TSPAN9: variants seen among roughly 807,000 people sequenced by gnomAD.
TSPAN9 encodes tetraspanin 9.
TSPAN9 carries 16 observed loss-of-function variants against 31.0 expected under a neutral mutation model. That is an observed-to-expected ratio of 0.52 (90% confidence interval 0.35 to 0.78). The LOEUF is 0.78. Ranked by LOEUF, TSPAN9 falls within the 30% of genes least tolerant of loss-of-function variation. The pLI is 0.01. For synonymous variants in TSPAN9, 145 were observed against 121.6 expected (o/e 1.19, Z -1.27); for missense variants, 272 against 312.5 (o/e 0.87, Z 0.98).
chr12:3,253,962 A>T (rs1315675099), intron 3 of TSPAN9, among the ~76,000 whole-genome samples: 1 of 152,232 alleles, frequency 6.6e-6, no homozygotes, highest in Non-Finnish European at 1.5e-5. Flanking sequence ...GAAAATGCTC[A>T]GGTGATTCTG....
intron 3 of TSPAN9, among the ~76,000 whole-genome samples, chr12:3,239,928 G>A (rs2098395714): frequency 6.6e-6 from 1 of 152,076 alleles, no homozygotes; most frequent in Non-Finnish European, 1.5e-5. Context: ...GACGAGGGAG[G>A]GCATTGCCAC....
At chr12:3,085,127 A>C (rs2098299794) in intron 2 of TSPAN9, among the ~76,000 whole-genome samples, 1 of 152,078 alleles carries the variant, frequency 6.6e-6, no homozygotes. Context: ...TCACGCCTGG[A>C]ATCCCTGTGC....
chr12:3,218,434 C>G (rs1205874210), intron 3 of TSPAN9, among the ~76,000 whole-genome samples: 1 of 152,196 alleles, frequency 6.6e-6, no homozygotes, highest in African/African-American at 2.4e-5. Flanking sequence ...AGGAGGAGAC[C>G]TTTGGGGCCT....
chr12:3,089,255 G>A (rs2098302621), intron 2 of TSPAN9, among the ~76,000 whole-genome samples: 1 of 149,524 alleles, frequency 6.7e-6, no homozygotes, highest in Non-Finnish European at 1.5e-5. Context: ...AAAAAGAAAA[G>A]GGACATTATA....
chr12:3,280,233 C>T lies in TSPAN9; in HGVS notation c.331-149C>T. On this transcript the variant is annotated intron_variant, in intron 5 of 8. Coordinates refer to ENST00000011898, the MANE Select transcript of TSPAN9 (RefSeq NM_006675.5). This position sits in a 1 kb window ranked among gnomAD's most constrained non-coding sequence, Gnocchi z 4.5. ...CTGTTGGGCCAGCAGAGGCCCCCAC[C>T]CCAGTGGGCAGGGCCTTCCAGACCA... The T allele has an allele frequency of 4.4e-6, 3 of 676,948 alleles. No homozygotes were observed. The South Asian group carries it at 5.3e-5, about 12-fold the overall frequency. The allele number at this position is 676,948 out of a possible 1,614,324, so 41.9% of individuals were successfully genotyped here.
intron 3 of TSPAN9, among the ~76,000 whole-genome samples, chr12:3,258,824 G>A (rs1257707488): frequency 2.6e-5 from 4 of 152,160 alleles, no homozygotes; most frequent in African/African-American, 9.7e-5. Context: ...TGCACAATGC[G>A]AATGTATTCA....
At chr12:3,268,134 TAGGTGCTGCAGCCTGCCC>T (rs1565639115) in intron 3 of TSPAN9, among the ~76,000 whole-genome samples, 3 of 146,152 alleles carry the variant, frequency 2.1e-5, no homozygotes, top group African/African-American at 7.4e-5. Context: ...GCCTATTCCG[TAGGTGCTGCAGCCTGCCC>T]TCCGTGCATT....
intron 2 of TSPAN9, among the ~76,000 whole-genome samples, chr12:3,150,208 G>A (rs761088916): frequency 1.3e-5 from 2 of 152,240 alleles, no homozygotes; most frequent in Non-Finnish European, 2.9e-5. Flanking sequence ...CCCTCGGTCT[G>A]TTTCCGCCCC....
In TSPAN9 at chr12:3,278,534, C is replaced by T. The variant is rs1044234564; in HGVS notation, c.177C>T (p.Ala59=). Residue 59 remains alanine, a synonymous_variant, in exon 4 of 9, where the codon GCC becomes GCT. Coordinates refer to ENST00000011898, the MANE Select transcript of TSPAN9 (RefSeq NM_006675.5). ...PSLSAANLVI[A]IGTIVMVTGF... Reference sequence around the variant, plus strand: ...TGTCTGCAGCCAACCTGGTCATTGCCATAGGCACCATTGTCATGGTGACGG... The same window carrying T: ...TGTCTGCAGCCAACCTGGTCATTGCTATAGGCACCATTGTCATGGTGACGG... The T allele has an allele frequency of 3.1e-6, 5 of 1,614,104 alleles. No homozygotes were observed. Among genetic ancestry groups the T allele is most frequent in the Admixed American group, 3.3e-5 (2 of 60,004 alleles).
At chr12:3,244,134 T>TG (rs764398411) in intron 3 of TSPAN9, among the ~76,000 whole-genome samples, 34 of 152,196 alleles carry the variant, frequency 2.2e-4, no homozygotes, top group Admixed American at 8.5e-4. Context: ...GCTTAAGCGA[T>TG]GCTGTTTTTG....
intron 3 of TSPAN9, among the ~76,000 whole-genome samples, chr12:3,219,848 TA>T (rs552211012): frequency 1.5e-3 from 202 of 135,866 alleles, no homozygotes; most frequent in African/African-American, 4.6e-3. Context: ...CTTAAACTAT[TA>T]AAAAAAAAAA....
At chr12:3,239,551 T>A (rs1290005665) in intron 3 of TSPAN9, among the ~76,000 whole-genome samples, 1 of 152,210 alleles carries the variant, frequency 6.6e-6, no homozygotes, top group Non-Finnish European at 1.5e-5. Flanking sequence ...CCGAGTTGGA[T>A]CCCAGCAAAC....
At chr12:3,195,409 G>C (rs11062560) in intron 2 of TSPAN9, among the ~76,000 whole-genome samples, 143,062 of 152,210 alleles carry the variant, frequency 0.94, 67,896 homozygotes, top group Non-Finnish European at 1. Context: ...GAATGCTGTA[G>C]TTACTTCACT....
intron 2 of TSPAN9, among the ~76,000 whole-genome samples, chr12:3,181,288 G>A (rs1304179730): frequency 6.6e-6 from 1 of 152,186 alleles, no homozygotes; most frequent in Non-Finnish European, 1.5e-5. Context: ...TCGGGCCCTG[G>A]ACGTAGATCA....
chr12:3,212,772 A>G (rs2098379429), intron 3 of TSPAN9, among the ~76,000 whole-genome samples: 1 of 152,132 alleles, frequency 6.6e-6, no homozygotes, highest in Non-Finnish European at 1.5e-5. Flanking sequence ...TTGCCTAGCA[A>G]GGGGGGCCTA....
intron 2 of TSPAN9, among the ~76,000 whole-genome samples, chr12:3,121,554 T>G (rs1276018112): frequency 1.4e-5 from 2 of 145,694 alleles, no homozygotes; most frequent in Non-Finnish European, 3.0e-5. Context: ...TTTTTTTTTT[T>G]TTTTGTAGAG....
intron 3 of TSPAN9, among the ~76,000 whole-genome samples, chr12:3,238,008 C>T (rs1475211460): frequency 6.6e-6 from 1 of 152,152 alleles, no homozygotes; most frequent in Non-Finnish European, 1.5e-5. Context: ...AATCCAGCCT[C>T]ATTGTGGATC....
intron 2 of TSPAN9, among the ~76,000 whole-genome samples, chr12:3,156,377 A>T (rs1326465929): frequency 6.6e-6 from 1 of 152,164 alleles, no homozygotes; most frequent in African/African-American, 2.4e-5. Flanking sequence ...GAGGGGCAGC[A>T]GGTGGGGAGT....
At chr12:3,243,720 G>A (rs944538119) in intron 3 of TSPAN9, among the ~76,000 whole-genome samples, 27 of 152,162 alleles carry the variant, frequency 1.8e-4, no homozygotes, top group African/African-American at 4.6e-4. Context: ...GTCTGGTCTT[G>A]CCCAGGCTGG....
Sources: allele counts gnomAD v4.1 joint callset (sites outside exome capture counted in the v4.1 genomes callset), GRCh38; gene constraint gnomAD v4.1.1; non-coding constraint Gnocchi (gnomAD v3.1); transcripts MANE v1.5; gene names NCBI Gene and HGNC (gene_info 2026-07-23, HGNC 2026-07-21).